Variants in TCF12 observed in about 807,000 individuals in gnomAD.
TCF12 encodes the protein DNA-binding protein HTF4.
Under a neutral mutation model 86.0 loss-of-function variants are expected in TCF12, and 45 were observed. The observed-to-expected ratio is 0.52, with a 90% CI of 0.41 to 0.67. The LOEUF (loss-of-function observed/expected upper bound fraction) is 0.67. TCF12 is among the 30% of genes least tolerant of loss of function. TCF12 has a pLI of 0.00. For missense variants in TCF12, 881 were observed against 859.9 expected (o/e 1.02, Z -0.31); for synonymous variants, 330 against 299.6 (o/e 1.10, Z -1.05).
intron 3 of TCF12, among the ~76,000 whole-genome samples, chr15:57,017,919 G>A (rs562237285): frequency 1.3e-5 from 2 of 152,192 alleles, no homozygotes; most frequent in South Asian, 2.1e-4. Context: ...GGGAAAGAAG[G>A]CAAGGGACAC....
intron 3 of TCF12, among the ~76,000 whole-genome samples, chr15:56,949,997 T>G (rs886722972): frequency 6.6e-6 from 1 of 152,234 alleles, no homozygotes; most frequent in Non-Finnish European, 1.5e-5. Flanking sequence ...GGTTAAATTT[T>G]TAGCAACTAT....
Position 57,128,580 on chromosome 15 carries a change from A to G in TCF12, c.325+36689A>G, listed in dbSNP as rs145735747. Among the ~76,000 whole-genome samples, 319 of 152,306 alleles carry G rather than the reference A, an allele frequency of 2.1e-3. 1 individual carries two copies. The highest frequency in any genetic ancestry group is 7.4e-3 in the African/African-American group (306 of 41,576). On this transcript the variant is annotated intron_variant, in intron 5 of 20. Coordinates refer to ENST00000333725, the MANE Select transcript of TCF12 (RefSeq NM_207037.2). ...TATAATAAAATCACCCTTTTAAAGT[A>G]TACAATTCAAGGGTTTTTAGTATAT...
chr15:56,950,740 A>C (rs1402648143), intron 3 of TCF12, among the ~76,000 whole-genome samples: 4 of 107,026 alleles, frequency 3.7e-5, no homozygotes, highest in African/African-American at 6.8e-5. Context: ...AGCTATTATG[A>C]CCATGTTTTT....
At chr15:56,935,289 G>A (rs1314567124) in intron 3 of TCF12, among the ~76,000 whole-genome samples, 4 of 152,022 alleles carry the variant, frequency 2.6e-5, no homozygotes, top group African/African-American at 9.7e-5. Context: ...TGGCTTACAC[G>A]ACAGAAATTT....
intron 3 of TCF12, among the ~76,000 whole-genome samples, chr15:56,960,937 C>T (rs889443851): frequency 9.9e-5 from 15 of 151,706 alleles, no homozygotes; most frequent in East Asian, 5.8e-4. Context: ...GTCAGGAGTT[C>T]GAGACCAGCC....
intron 8 of TCF12, among the ~76,000 whole-genome samples, chr15:57,215,251 C>T (rs1258445429): frequency 1.3e-5 from 2 of 152,116 alleles, no homozygotes; most frequent in Non-Finnish European, 1.5e-5. Flanking sequence ...ATTTGAGAGA[C>T]AGCATTCACT....
intron 6 of TCF12, among the ~76,000 whole-genome samples, chr15:57,176,534 A>G (rs1179426977): frequency 1.3e-5 from 2 of 152,208 alleles, no homozygotes; most frequent in Admixed American, 1.3e-4. Flanking sequence ...GGTCCCCGCC[A>G]TACTCAAGTG....
intron 4 of TCF12, among the ~76,000 whole-genome samples, chr15:57,068,286 G>A (rs1258337681): frequency 6.6e-6 from 1 of 152,122 alleles, no homozygotes; most frequent in Non-Finnish European, 1.5e-5. Context: ...TGTGGTGAGT[G>A]CTATATAAGT....
At chr15:56,978,466 A>G (rs2062723995) in intron 3 of TCF12, among the ~76,000 whole-genome samples, 1 of 152,186 alleles carries the variant, frequency 6.6e-6, no homozygotes, top group African/African-American at 2.4e-5. Flanking sequence ...TCATGATTCC[A>G]CTAATAGAGA....
chr15:57,056,648 A>G (rs537250865), intron 3 of TCF12, among the ~76,000 whole-genome samples: 2 of 151,662 alleles, frequency 1.3e-5, no homozygotes, highest in Admixed American at 6.6e-5. Flanking sequence ...TTGTAGACAT[A>G]GAGTTTTGCC....
At chr15:56,970,947 G>A (rs754473454) in intron 3 of TCF12, among the ~76,000 whole-genome samples, 1 of 152,040 alleles carries the variant, frequency 6.6e-6, no homozygotes, top group Non-Finnish European at 1.5e-5. Context: ...CCAGCTACTC[G>A]AGAGGCTGAG....
intron 1 of TCF12, 37 bp from the exon 2 acceptor site, chr15:56,919,855 C>G: frequency 6.3e-7 from 1 of 1,589,686 alleles, no homozygotes; most frequent in Non-Finnish European, 8.6e-7. Flanking sequence ...CTTTGGGCCT[C>G]GGTGGTCTCT....
intron 12 of TCF12, among the ~76,000 whole-genome samples, chr15:57,237,523 C>G (rs1305025702): frequency 6.6e-6 from 1 of 152,072 alleles, no homozygotes; most frequent in African/African-American, 2.4e-5. Context: ...CCGTTTAAGC[C>G]TGGCAGAAGG....
chr15:56,948,805 C>G (rs899560955), intron 3 of TCF12, among the ~76,000 whole-genome samples: 1 of 152,220 alleles, frequency 6.6e-6, no homozygotes, highest in Admixed American at 6.5e-5. Context: ...TCCACTTTCA[C>G]TCATCTTGCT....
chr15:56,951,024 G>A (rs1245558767), intron 3 of TCF12, among the ~76,000 whole-genome samples: 1 of 151,944 alleles, frequency 6.6e-6, no homozygotes, highest in East Asian at 1.9e-4. Context: ...CCAAAGTGCT[G>A]GGATTACAGA....
At chr15:57,050,615 GT>G (rs1339921622) in intron 3 of TCF12, among the ~76,000 whole-genome samples, 2 of 151,968 alleles carry the variant, frequency 1.3e-5, no homozygotes, top group Non-Finnish European at 2.9e-5. Context: ...ATTTTTGCCA[GT>G]TTTTTTCTCT....
intron 12 of TCF12, among the ~76,000 whole-genome samples, chr15:57,241,426 A>T (rs1173531731): frequency 3.3e-5 from 5 of 152,004 alleles, no homozygotes; most frequent in African/African-American, 1.2e-4. Flanking sequence ...CTGTTACTAG[A>T]TCCTCCCAAA....
chr15:56,963,236 G>T (rs544560792), intron 3 of TCF12, among the ~76,000 whole-genome samples: 9 of 152,172 alleles, frequency 5.9e-5, no homozygotes, highest in Non-Finnish European at 1.0e-4. Context: ...ACTTGGGAAT[G>T]TGGGGCAATA....
intron 5 of TCF12, chr15:57,109,108 A>G (rs186810169): frequency 6.6e-6 from 1 of 152,328 alleles, no homozygotes; most frequent in East Asian, 1.9e-4. Flanking sequence ...GAAGTGGCTA[A>G]ATCTCAAATT....
Sources: allele counts gnomAD v4.1 joint callset (sites outside exome capture counted in the v4.1 genomes callset), GRCh38; gene constraint gnomAD v4.1.1; transcripts MANE v1.5; gene names NCBI Gene and HGNC (gene_info 2026-07-23, HGNC 2026-07-21).